The following PNLDC1 variants were observed in gnomAD, a reference collection of about 807,000 sequenced individuals.
The protein encoded by PNLDC1 is poly(A)-specific ribonuclease PNLDC1.
In PNLDC1, 70 loss-of-function variants were observed where a neutral mutation model predicts 82.0. The observed-to-expected ratio is 0.85, with a 90% CI of 0.70 to 1.04. PNLDC1 has a LOEUF of 1.04. PNLDC1 is among the 50% of genes least tolerant of loss of function. The probability of loss-of-function intolerance (pLI) is 0.00; values close to 1 mark genes in which losing one functional copy is unlikely to be tolerated. For missense variants in PNLDC1, 631 were observed against 661.1 expected (o/e 0.95, Z 0.50); for synonymous variants, 280 against 249.3 (o/e 1.12, Z -1.16).
At position 159,819,082 on chromosome 6, in the gene PNLDC1, C is replaced by T. The variant is rs764448557; in HGVS notation, c.1394C>T (p.Thr465Ile). ...TGCAAGTTTGATGTCAGGCGACTCA[C>T]AAGAAGCCAGTTCTTACTCCTGACC... ...NLCKFDVRRL[T>I]RSQFLLLTNK... The change falls in exon 17 of 19, where the codon ACA (threonine) becomes ATA (isoleucine). Residue 465 changes from threonine to isoleucine, a missense_variant. Coordinates refer to ENST00000392167, the MANE Select transcript of PNLDC1 (RefSeq NM_001271862.2). The surrounding 1 kb of genome is among the most constrained non-coding windows in gnomAD (Gnocchi z 4.6). 3 of 1,614,050 alleles carry T rather than the reference C, an allele frequency of 1.9e-6. No homozygotes were observed. The highest frequency in any genetic ancestry group is 1.7e-6 in the Non-Finnish European group (2 of 1,180,012).
rs1040916685 is a variant in PNLDC1 at position 159,816,397 on chromosome 6, G to GGT, written c.1061-144_1061-143dup. 9 of 767,152 alleles carry GGT rather than the reference G, an allele frequency of 1.2e-5. No individual in the cohort carries two copies. In the African/African-American group the frequency reaches 1.5e-4, roughly 13 times the overall value. The allele number at this position is 767,152 out of a possible 1,614,324, so 47.5% of individuals were successfully genotyped here. ...CTTTCTCCACCGTGGGGAGGACCAA[G>GGT]GTGAAGTTGGTGTGTGGGCCTGGAG... On this transcript the variant is annotated intron_variant, in intron 13 of 18. Transcript: ENST00000392167.
chr6:159,805,139 C>T (rs559479083), intron 6 of PNLDC1, among the ~76,000 whole-genome samples: 1 of 152,318 alleles, frequency 6.6e-6, no homozygotes, highest in South Asian at 2.1e-4. Context: ...CTCCCCTAGG[C>T]CGGGACCTCT....
rs376567849 is a variant in PNLDC1, at chr6:159,801,200, C to T, written c.208+14C>T. Reference sequence around the variant, plus strand: ...TCTGTCAGATTGGTGAGTTTAATATCAGCTGTTAGAGTTTTTCAAGAAGGT... The same window carrying T: ...TCTGTCAGATTGGTGAGTTTAATATTAGCTGTTAGAGTTTTTCAAGAAGGT... On this transcript the variant is annotated intron_variant, in intron 3 of 18. Coordinates refer to ENST00000392167, the MANE Select transcript of PNLDC1 (RefSeq NM_001271862.2). The T allele has an allele frequency of 6.2e-7, 1 of 1,608,802 alleles. No homozygotes were observed. Among genetic ancestry groups the T allele is most frequent in the African/African-American group, 1.3e-5 (1 of 74,924 alleles).
chr6:159,800,858 T>A (rs1781223342), intron 2 of PNLDC1, 29 bp downstream of exon 2: 1 of 1,613,828 alleles, frequency 6.2e-7, no homozygotes, highest in African/African-American at 1.3e-5. Flanking sequence ...CCCCTCTGTA[T>A]AAGAGCCTGG....
In PNLDC1 at chr6:159,817,875, T is replaced by C. The variant is rs150497897; in HGVS notation, c.1158-680T>C. ...TTGTCCATTTTAGCAGTGGATGTTA[T>C]AAATACAAAAGTTCTGTGACACACG... On this transcript the variant is annotated intron_variant, in intron 15 of 18. Coordinates refer to ENST00000392167, the MANE Select transcript of PNLDC1 (RefSeq NM_001271862.2). 2.4e-3 allele frequency among the ~76,000 whole-genome samples: 369 copies of C among 152,368 alleles called. 3 individuals are homozygous for C. Among genetic ancestry groups the C allele is most frequent in the African/African-American group, 8.7e-3 (360 of 41,590 alleles).
chr6:159,802,849 T>A (rs982826277), intron 3 of PNLDC1, among the ~76,000 whole-genome samples: 2 of 151,904 alleles, frequency 1.3e-5, no homozygotes, highest in Non-Finnish European at 2.9e-5. Context: ...TCCCAAAGTG[T>A]TGGGATTACA....
At position 159,804,558 on chromosome 6, in the gene PNLDC1, A is replaced by C. The variant is rs147984630; in HGVS notation, c.382A>C (p.Asn128His). 459 of 1,599,064 alleles carry C rather than the reference A, an allele frequency of 2.9e-4. 5 individuals are homozygous for C. The South Asian group carries it at 3.7e-3, about 13-fold the overall frequency. ...YGFNYNKFLK[N>H]GIPYMNEEQE... is the part of the protein sequence containing the mutation. The stretch of plus-strand genomic sequence containing the variant: ...CTGTTTCTGTCTTAAGTTTCTCAAA[A>C]ACGGAATCCCATATATGAATGAAGA... The change falls in exon 6 of 19, where the codon AAC becomes CAC. Residue 128 changes from asparagine to histidine, a missense_variant. Coordinates refer to ENST00000392167, the MANE Select transcript of PNLDC1 (RefSeq NM_001271862.2).
Position 159,800,303 on chromosome 6 carries a change from C to T in PNLDC1, c.-5C>T, listed in dbSNP as rs558612196. 6 of 1,545,764 alleles carry T rather than the reference C, an allele frequency of 3.9e-6. No individual in the cohort carries two copies. Among genetic ancestry groups the T allele is most frequent in the East Asian group, 4.9e-5 (2 of 40,786 alleles). ...CGCTGGGCGACTCCGCGGAGCTGCA[C>T]GGCCATGGACGTGGGCGCCGACGAG... On this transcript the variant is annotated 5_prime_UTR_variant, in exon 1 of 19. It adds an upstream start codon to the 5' untranslated region. Transcript: ENST00000392167.
At chr6:159,817,222 AACAC>A in intron 15 of PNLDC1, 71 bp downstream of exon 15, 14 of 1,359,808 alleles carry the variant, frequency 1.0e-5, no homozygotes, top group Non-Finnish European at 1.5e-5. Flanking sequence ...GCTGGAAGCC[AACAC>A]CTCTCCAGTC....
rs142457687 is a variant in PNLDC1 at position 159,818,654 on chromosome 6, C to T, written c.1257C>T (p.Ile419=). The change falls in exon 16 of 19, where the codon ATC becomes ATT. Residue 419 remains isoleucine (I), a splice_region_variant and synonymous_variant. Transcript: ENST00000392167. ...TCATCCGAGCGGGGGTCCCAAAGAT[C>T]GTGAGTAGATCTCATTTGGCCCCCT... ...VNLIRAGVPK[I]NFSGPDYPSI... 5.5e-4 allele frequency: 883 copies of T among 1,612,588 alleles called. 1 individual carries two copies. Among genetic ancestry groups the T allele is most frequent in the East Asian group, 1.2e-3 (54 of 44,862 alleles).
intron 11 of PNLDC1, 112 bp from the exon 12 acceptor site, chr6:159,813,489 T>C: frequency 1.1e-6 from 1 of 873,516 alleles, no homozygotes; most frequent in Non-Finnish European, 1.9e-6. Flanking sequence ...AAAGAGGAGG[T>C]TGTAGGAGTG....
chr6:159,813,666 G>A lies in PNLDC1; in HGVS notation c.995+10G>A, dbSNP rs1169713821. 6.2e-7 allele frequency: 1 copy of A among 1,613,142 alleles called. No individual in the cohort carries two copies. The highest frequency in any genetic ancestry group is 2.2e-5 in the East Asian group (1 of 44,870). ...ATGAAGTCCTGAACAGGTGAGGACG[G>A]CGATTCCTGGAGCTACTGCTGGAGC... On this transcript the variant is annotated intron_variant, in intron 12 of 18. Coordinates refer to ENST00000392167, the MANE Select transcript of PNLDC1 (RefSeq NM_001271862.2).
chr6:159,817,264 G>A (rs1300285401), intron 15 of PNLDC1, 113 bp downstream of exon 15: 43 of 996,506 alleles, frequency 4.3e-5, no homozygotes, highest in Non-Finnish European at 6.7e-5. Flanking sequence ...AAGGGAGAAT[G>A]TGAGGTGTCA....
At chr6:159,808,857 T>G (rs35872675) in intron 8 of PNLDC1, 41 bp downstream of exon 8, 181 of 1,600,486 alleles carry the variant, frequency 1.1e-4, no homozygotes, top group Middle Eastern at 1.7e-4. Context: ...GGCTCCATTG[T>G]TTCTCTCTCA....
rs557694125 is a variant in PNLDC1, at chr6:159,819,270, A to G, written c.1450A>G (p.Lys484Glu). The G allele has an allele frequency of 6.2e-7, 1 of 1,613,804 alleles. No individual in the cohort carries two copies. The change falls in exon 18 of 19, where the codon AAG becomes GAG. Residue 484 changes from lysine (K) to glutamate (E), a missense_variant. Coordinates refer to ENST00000392167, the MANE Select transcript of PNLDC1 (RefSeq NM_001271862.2). The surrounding 1 kb of genome is among the most constrained non-coding windows in gnomAD (Gnocchi z 4.6). ...TTTTGGCAGTGCGCGGAACATCCTG[A>G]AGGAGTACCGGGACCACCCGACCCT... is the stretch of plus-strand genomic sequence containing the variant. ...NKFKDARNIL[K>E]EYRDHPTLCI...
At chr6:159,818,522 G>A (rs200107503) in intron 15 of PNLDC1, 33 bp from the exon 16 acceptor site, 92 of 1,585,110 alleles carry the variant, frequency 5.8e-5, no homozygotes, top group African/African-American at 4.2e-4. Context: ...ACTTCTGTGC[G>A]CCCGACAGCT....
chr6:159,817,465 G>GT (rs765248889), intron 15 of PNLDC1, among the ~76,000 whole-genome samples: 7 of 152,236 alleles, frequency 4.6e-5, no homozygotes, highest in Non-Finnish European at 1.0e-4. Flanking sequence ...TCCCAGCCTG[G>GT]TGTGTGCTTG....
chr6:159,818,544 T>G lies in PNLDC1; in HGVS notation c.1158-11T>G, dbSNP rs913633951. On this transcript the variant is annotated splice_polypyrimidine_tract_variant and intron_variant, in intron 15 of 18. Transcript: ENST00000392167. ...TGCGCCCGACAGCTTTGGGGTTTTC[T>G]GTCCTTGCAGCATCGACCCCGTGCC... The G allele has an allele frequency of 2.5e-6, 4 of 1,612,738 alleles. No homozygotes were observed.
chr6:159,802,586 T>G (rs4709375), intron 3 of PNLDC1, among the ~76,000 whole-genome samples: 72,739 of 151,734 alleles, frequency 0.48, 18,300 homozygotes, highest in Non-Finnish European at 0.55. Flanking sequence ...CCCAAATTTG[T>G]TTGGGGGGAA....
Sources: gnomAD v4.1 joint callset for allele counts (sites outside exome capture counted in the v4.1 genomes callset) on GRCh38, gnomAD v4.1.1 for gene constraint, Gnocchi (gnomAD v3.1) non-coding constraint, MANE v1.5 for transcripts, NCBI Gene and HGNC (gene_info 2026-07-23, HGNC 2026-07-21) for gene names.